Variants in LRRC4C observed in about 807,000 individuals in gnomAD.
The protein encoded by LRRC4C is leucine-rich repeat-containing protein 4C.
LRRC4C carries 5 observed loss-of-function variants against 33.6 expected under a neutral mutation model. The ratio of observed to expected loss-of-function variants is 0.15; its 90% CI spans 0.08 to 0.31. The LOEUF is 0.31. LRRC4C is among the 10% of genes least tolerant of loss of function. LRRC4C has a pLI of 1.00. For missense variants in LRRC4C, 560 were observed against 796.7 expected, an observed-to-expected ratio of 0.70 and a Z score of 3.58; for synonymous variants, 329 against 302.0, an observed-to-expected ratio of 1.09 and a Z score of -0.93.
intron 6 of LRRC4C, among the ~76,000 whole-genome samples, chr11:40,125,262 T>C (rs1327541974): frequency 1.3e-5 from 2 of 152,142 alleles, no homozygotes; most frequent in Non-Finnish European, 1.5e-5. Flanking sequence ...TAATTCTTTG[T>C]TCTGTTTCTA....
At chr11:40,483,477 G>A (rs1333397676) in intron 3 of LRRC4C, among the ~76,000 whole-genome samples, 1 of 151,936 alleles carries the variant, frequency 6.6e-6, no homozygotes, top group Non-Finnish European at 1.5e-5. Flanking sequence ...CAATCAATGG[G>A]AACAACCAAT....
chr11:41,135,630 G>A (rs1462475594), intron 1 of LRRC4C, among the ~76,000 whole-genome samples: 1 of 152,130 alleles, frequency 6.6e-6, no homozygotes, highest in Non-Finnish European at 1.5e-5. Flanking sequence ...TTACTATGCT[G>A]AGTGATGCCA....
chr11:40,448,316 T>G (rs1490461299), intron 3 of LRRC4C, among the ~76,000 whole-genome samples: 1 of 152,148 alleles, frequency 6.6e-6, no homozygotes, highest in Non-Finnish European at 1.5e-5. Flanking sequence ...GTTTGTTACA[T>G]AAGTATACAC....
intron 1 of LRRC4C, among the ~76,000 whole-genome samples, chr11:41,421,425 G>C (rs1022739109): frequency 2.6e-5 from 4 of 151,992 alleles, no homozygotes; most frequent in African/African-American, 7.2e-5. Flanking sequence ...CAGGAATATG[G>C]GAGAAGCATG....
intron 2 of LRRC4C, among the ~76,000 whole-genome samples, chr11:40,736,857 GTTGT>G (rs1475564113): frequency 1.5e-5 from 1 of 65,130 alleles, no homozygotes; most frequent in African/African-American, 7.3e-5. Flanking sequence ...TTTTGATGCG[GTTGT>G]TTTTTTTTTT....
At chr11:40,387,901 A>G (rs1263818662) in intron 3 of LRRC4C, among the ~76,000 whole-genome samples, 1 of 152,098 alleles carries the variant, frequency 6.6e-6, no homozygotes, top group African/African-American at 2.4e-5. Context: ...AGGCTGGGTT[A>G]ATTTCCACAG....
At chr11:40,478,359 A>T (rs1953357353) in intron 3 of LRRC4C, among the ~76,000 whole-genome samples, 1 of 152,176 alleles carries the variant, frequency 6.6e-6, no homozygotes. Context: ...AATTCTGGCA[A>T]GAACTTATAC....
chr11:40,140,084 T>A (rs1435882275), intron 6 of LRRC4C, among the ~76,000 whole-genome samples: 3 of 152,232 alleles, frequency 2.0e-5, no homozygotes, highest in Admixed American at 6.5e-5. Context: ...CCTGCCTTAA[T>A]AATAAAGTTT....
intron 3 of LRRC4C, among the ~76,000 whole-genome samples, chr11:40,487,030 A>G (rs1448252053): frequency 1.3e-5 from 2 of 152,038 alleles, no homozygotes; most frequent in African/African-American, 4.8e-5. Context: ...AAGAAAAGTT[A>G]TACGGCGGGG....
intron 1 of LRRC4C, among the ~76,000 whole-genome samples, chr11:41,389,638 G>GGAAAAAAAAAAAAAA (rs1565633826): frequency 4.4e-4 from 1 of 2,274 alleles, no homozygotes; most frequent in Non-Finnish European, 1.1e-3. Flanking sequence ...ACAGTGAGCA[G>GGAAAAAAAAAAAAAA]CAAAAAAAAA....
intron 3 of LRRC4C, among the ~76,000 whole-genome samples, chr11:40,438,343 A>C (rs188627590): frequency 2.0e-5 from 3 of 152,272 alleles, no homozygotes; most frequent in African/African-American, 7.2e-5. Flanking sequence ...ACAAACTAAA[A>C]CCAAAACCAA....
intron 5 of LRRC4C, among the ~76,000 whole-genome samples, chr11:40,170,505 A>C (rs1375634073): frequency 6.6e-6 from 1 of 150,418 alleles, no homozygotes; most frequent in Non-Finnish European, 1.5e-5. Context: ...AGAGAGAAAG[A>C]GAGAAAAAAA....
chr11:40,245,353 G>A (rs1234297814), intron 4 of LRRC4C, among the ~76,000 whole-genome samples: 1 of 152,054 alleles, frequency 6.6e-6, no homozygotes. Flanking sequence ...AGCTATGTTA[G>A]AAGCCTATGA....
At chr11:40,613,896 T>C (rs1961489916) in intron 3 of LRRC4C, among the ~76,000 whole-genome samples, 1 of 151,868 alleles carries the variant, frequency 6.6e-6, no homozygotes. Flanking sequence ...TCTTTTTTTC[T>C]GATCAGTAGG....
Position 41,168,512 on chromosome 11 carries a change from A to G in LRRC4C, c.-495-234789T>C, listed in dbSNP as rs78434171. Reference sequence around the variant, plus strand: ...CATCTAAGAATTGTTTTCAATCTCTAATCTGTACTTAATGATAACTAAAAC... The same window carrying G: ...CATCTAAGAATTGTTTTCAATCTCTGATCTGTACTTAATGATAACTAAAAC... On this transcript the variant is annotated intron_variant, in intron 1 of 6. Transcript: ENST00000528697. 3.6e-3 allele frequency among the ~76,000 whole-genome samples: 541 copies of G among 152,304 alleles called. 1 individual carries two copies. Among genetic ancestry groups the G allele is most frequent in the African/African-American group, 0.012 (515 of 41,572 alleles).
At chr11:40,856,600 AAGAT>A (rs1368280949) in intron 2 of LRRC4C, among the ~76,000 whole-genome samples, 2 of 152,236 alleles carry the variant, frequency 1.3e-5, no homozygotes, top group Non-Finnish European at 2.9e-5. Context: ...TAAAATGCAT[AAGAT>A]AGAGTATTCT....
At chr11:40,385,124 G>A (rs183037807) in intron 3 of LRRC4C, among the ~76,000 whole-genome samples, 10 of 151,940 alleles carry the variant, frequency 6.6e-5, no homozygotes, top group Non-Finnish European at 1.3e-4. Flanking sequence ...AGGCAGAGGC[G>A]GGCATCCACA....
intron 1 of LRRC4C, among the ~76,000 whole-genome samples, chr11:41,187,131 G>C (rs1321827020): frequency 6.6e-6 from 1 of 152,186 alleles, no homozygotes; most frequent in Non-Finnish European, 1.5e-5. Context: ...GTGTTGGGAA[G>C]GGGAGGGCAT....
At chr11:40,740,134 T>C (rs890199994) in intron 2 of LRRC4C, among the ~76,000 whole-genome samples, 1 of 152,024 alleles carries the variant, frequency 6.6e-6, no homozygotes, top group Non-Finnish European at 1.5e-5. Flanking sequence ...ATGGTGCATA[T>C]ATTTCTTCAA....
Sources: allele counts gnomAD v4.1 joint callset (sites outside exome capture counted in the v4.1 genomes callset), GRCh38; gene constraint gnomAD v4.1.1; transcripts MANE v1.5; gene names NCBI Gene and HGNC (gene_info 2026-07-23, HGNC 2026-07-21).